SLC14A2: variants seen among roughly 807,000 people sequenced by gnomAD.
SLC14A2 encodes solute carrier family 14 member 2, also known as urea transporter 2.
SLC14A2 carries 91 observed loss-of-function variants against 104.6 expected under a neutral mutation model. The observed-to-expected ratio is 0.87, with a 90% confidence interval of 0.73 to 1.04. The LOEUF (loss-of-function observed/expected upper bound fraction) is 1.04, where lower values mean the gene tolerates loss of function less well. Among genes scored for constraint, SLC14A2 ranks in the 50% least tolerant of loss-of-function variants. The pLI, the probability that SLC14A2 is intolerant of heterozygous loss-of-function variation, is 0.00. For missense variants in SLC14A2, 1,189 were observed against 1,156.0 expected (o/e 1.03, Z -0.41); for synonymous variants, 476 against 466.4 (o/e 1.02, Z -0.27).
intron 1 of SLC14A2, among the ~76,000 whole-genome samples, chr18:45,320,455 A>T (rs531642449): frequency 6.6e-6 from 1 of 152,190 alleles, no homozygotes; most frequent in Non-Finnish European, 1.5e-5. Context: ...CCCCAAAGAC[A>T]TGACTCCCTG....
chr18:45,526,652 G>A lies in SLC14A2; in HGVS notation c.-35+43330G>A, dbSNP rs114002590. On this transcript the variant is annotated intron_variant, in intron 2 of 20. Transcript: ENST00000586448. ...AGGGATCATAGGGTGTATAATATTA[G>A]AGAACTGAGTCATATAGAGGGGGAA... Among the ~76,000 whole-genome samples the A allele has an allele frequency of 7.8e-3, 1,192 of 152,202 alleles. 17 individuals are homozygous for A. The highest frequency in any genetic ancestry group is 0.027 in the African/African-American group (1,125 of 41,512).
intron 1 of SLC14A2, among the ~76,000 whole-genome samples, chr18:45,389,869 T>C (rs1018968219): frequency 1.3e-5 from 2 of 152,204 alleles, no homozygotes; most frequent in Admixed American, 6.5e-5. Flanking sequence ...CTTTGCATTT[T>C]GATGGATATC....
At chr18:45,589,413 G>C (rs2044616033) in intron 2 of SLC14A2, among the ~76,000 whole-genome samples, 1 of 152,102 alleles carries the variant, frequency 6.6e-6, no homozygotes, top group Non-Finnish European at 1.5e-5. Context: ...TTTTCAACAT[G>C]GTGAGGGGCC....
chr18:45,284,196 C>T (rs1015046266), intron 1 of SLC14A2, among the ~76,000 whole-genome samples: 2 of 152,182 alleles, frequency 1.3e-5, no homozygotes, highest in African/African-American at 2.4e-5. Context: ...ATACAGCTAA[C>T]ACACGGAACA....
At chr18:45,383,234 C>T (rs897289071) in intron 1 of SLC14A2, among the ~76,000 whole-genome samples, 2 of 152,192 alleles carry the variant, frequency 1.3e-5, no homozygotes, top group African/African-American at 4.8e-5. Flanking sequence ...TTCCCATAAT[C>T]CCATTCAGCT....
chr18:45,248,989 A>G (rs1436067823), intron 1 of SLC14A2, among the ~76,000 whole-genome samples: 4 of 152,240 alleles, frequency 2.6e-5, no homozygotes, highest in Middle Eastern at 3.4e-3. Context: ...ACGTTCCATA[A>G]TTTTTCTCTT....
intron 2 of SLC14A2, among the ~76,000 whole-genome samples, chr18:45,561,802 T>A (rs1487851910): frequency 2.0e-5 from 3 of 152,218 alleles, no homozygotes; most frequent in African/African-American, 7.2e-5. Context: ...TATTTGTCGA[T>A]ATGGCACTGA....
chr18:45,347,000 TAAATAAATAAAC>T (rs1204482606), intron 1 of SLC14A2, among the ~76,000 whole-genome samples: 13 of 144,428 alleles, frequency 9.0e-5, no homozygotes, highest in African/African-American at 3.2e-4. Flanking sequence ...AATAAATAAA[TAAATAAATAAAC>T]AAACAAACAA....
intron 1 of SLC14A2, among the ~76,000 whole-genome samples, chr18:45,401,736 G>C (rs2086098374): frequency 6.6e-6 from 1 of 152,138 alleles, no homozygotes; most frequent in Non-Finnish European, 1.5e-5. Context: ...TTGTTTCAGG[G>C]GCCTGAGAGG....
At chr18:45,540,471 G>A (rs555889880) in intron 2 of SLC14A2, among the ~76,000 whole-genome samples, 7 of 152,076 alleles carry the variant, frequency 4.6e-5, no homozygotes, top group Non-Finnish European at 8.8e-5. Flanking sequence ...GGCCGGGTGC[G>A]GTGGCTCATA....
chr18:45,460,775 A>G (rs1029038290), intron 1 of SLC14A2, among the ~76,000 whole-genome samples: 1 of 152,096 alleles, frequency 6.6e-6, no homozygotes, highest in East Asian at 1.9e-4. Flanking sequence ...GCTTTGTGGC[A>G]GAAAATATTC....
the SLC14A2 span, among the ~76,000 whole-genome samples, chr18:45,178,761 C>T: frequency 1.3e-5 from 2 of 150,910 alleles, no homozygotes; most frequent in East Asian, 3.9e-4. Context: ...ACCAAGGCAC[C>T]AAGAGGCAAA....
intron 1 of SLC14A2, among the ~76,000 whole-genome samples, chr18:45,266,898 CAT>C (rs1306876469): frequency 6.6e-6 from 1 of 152,146 alleles, no homozygotes; most frequent in South Asian, 2.1e-4. Context: ...TTTTTAATAA[CAT>C]GTGAGAACAC....
chr18:45,520,849 G>A (rs1379627965), intron 2 of SLC14A2, among the ~76,000 whole-genome samples: 2 of 152,196 alleles, frequency 1.3e-5, no homozygotes, highest in African/African-American at 4.8e-5. Context: ...GGCTTACTAA[G>A]TGGCAAAGCC....
chr18:45,381,831 T>A (rs1302869984), intron 1 of SLC14A2, among the ~76,000 whole-genome samples: 2 of 151,968 alleles, frequency 1.3e-5, no homozygotes, highest in Non-Finnish European at 2.9e-5. Flanking sequence ...GTGGGGGACA[T>A]ACAGGCAGGA....
chr18:45,378,435 C>T (rs1052154310), intron 1 of SLC14A2, among the ~76,000 whole-genome samples: 13 of 152,184 alleles, frequency 8.5e-5, no homozygotes, highest in Non-Finnish European at 1.5e-4. Context: ...CTATTGAAAA[C>T]TGACTTCAAA....
chr18:45,595,930 A>G (rs1171013528), intron 2 of SLC14A2, among the ~76,000 whole-genome samples: 1 of 152,192 alleles, frequency 6.6e-6, no homozygotes, highest in Non-Finnish European at 1.5e-5. Context: ...CAAATCATGA[A>G]GCTGCAGTGC....
At chr18:45,525,580 C>G (rs112221458) in intron 2 of SLC14A2, among the ~76,000 whole-genome samples, 8 of 152,324 alleles carry the variant, frequency 5.3e-5, no homozygotes, top group African/African-American at 1.9e-4. Context: ...TTATTAAACA[C>G]TAGTGATAAA....
At chr18:45,580,719 C>T (rs942466810) in intron 2 of SLC14A2, among the ~76,000 whole-genome samples, 1 of 152,014 alleles carries the variant, frequency 6.6e-6, no homozygotes, top group Admixed American at 6.5e-5. Flanking sequence ...AATGGAGGCA[C>T]AGGGAGGTCA....
Sources: allele counts gnomAD v4.1 joint callset (sites outside exome capture counted in the v4.1 genomes callset), GRCh38; gene constraint gnomAD v4.1.1; transcripts MANE v1.5; gene names NCBI Gene and HGNC (gene_info 2026-07-23, HGNC 2026-07-21).